WWOX: variants seen among roughly 807,000 people sequenced by gnomAD.
WWOX encodes WW domain-containing oxidoreductase.
A neutral mutation model predicts 46.2 loss-of-function variants in WWOX; 69 were observed. The observed-to-expected ratio is 1.49, with a 90% confidence interval of 1.23 to 1.82. WWOX has a LOEUF of 1.82. WWOX is among the 40% of genes most tolerant of loss of function. The pLI is 0.00. For missense variants in WWOX, 919 were observed against 542.6 expected (o/e 1.69, Z -6.89); for synonymous variants, 359 against 202.6 (o/e 1.77, Z -6.56).
At chr16:78,421,170 A>T (rs960996811) in intron 6 of WWOX, among the ~76,000 whole-genome samples, 1 of 152,210 alleles carries the variant, frequency 6.6e-6, no homozygotes. Context: ...ATAACAAATT[A>T]CCACAGATGG....
chr16:78,920,923 C>T (rs1313040391), intron 8 of WWOX, among the ~76,000 whole-genome samples: 1 of 152,158 alleles, frequency 6.6e-6, no homozygotes, highest in Non-Finnish European at 1.5e-5. Context: ...TTTCAAACTG[C>T]TCTCACTGTC....
chr16:78,861,296 G>A (rs1033785862), intron 8 of WWOX, among the ~76,000 whole-genome samples: 1 of 152,172 alleles, frequency 6.6e-6, no homozygotes, highest in Non-Finnish European at 1.5e-5. Flanking sequence ...CCCAGTCCAT[G>A]CATCCATCCA....
chr16:78,396,755 G>A (rs528360632), intron 6 of WWOX, among the ~76,000 whole-genome samples: 3 of 152,350 alleles, frequency 2.0e-5, no homozygotes, highest in South Asian at 4.1e-4. Flanking sequence ...GACAGTCTCT[G>A]CGGCAACCAT....
chr16:78,720,583 G>C (rs1358284709), intron 8 of WWOX, among the ~76,000 whole-genome samples: 1 of 151,482 alleles, frequency 6.6e-6, no homozygotes, highest in African/African-American at 2.4e-5. Flanking sequence ...CAGATGTTCA[G>C]GATTTCAGAC....
chr16:78,188,622 G>A (rs747162806), intron 5 of WWOX, among the ~76,000 whole-genome samples: 12 of 152,032 alleles, frequency 7.9e-5, no homozygotes, highest in Non-Finnish European at 1.6e-4. Context: ...GAAGTTTCGA[G>A]ACGATAATAT....
At chr16:78,973,695 T>G (rs1214950332) in intron 8 of WWOX, among the ~76,000 whole-genome samples, 1 of 152,230 alleles carries the variant, frequency 6.6e-6, no homozygotes, top group Non-Finnish European at 1.5e-5. Flanking sequence ...AATGAAAGTT[T>G]AAAGCTTGAG....
intron 5 of WWOX, among the ~76,000 whole-genome samples, chr16:78,253,617 G>A (rs1041655660): frequency 6.6e-6 from 1 of 152,150 alleles, no homozygotes. Context: ...TGTTCAAACA[G>A]TATTGGTTTA....
At chr16:78,578,071 T>A (rs1249531083) in intron 8 of WWOX, among the ~76,000 whole-genome samples, 2 of 151,568 alleles carry the variant, frequency 1.3e-5, no homozygotes, top group East Asian at 1.9e-4. Context: ...GGAACATCAC[T>A]AGCCACCTGC....
At chr16:78,670,083 G>A (rs978302369) in intron 8 of WWOX, among the ~76,000 whole-genome samples, 3 of 152,130 alleles carry the variant, frequency 2.0e-5, no homozygotes, top group African/African-American at 4.8e-5. Context: ...TCCTGTTCCC[G>A]GCCGCCCCCG....
At chr16:78,227,936 A>G (rs759304450) in intron 5 of WWOX, among the ~76,000 whole-genome samples, 2 of 152,106 alleles carry the variant, frequency 1.3e-5, no homozygotes, top group Non-Finnish European at 2.9e-5. Context: ...CAGTGCAGCC[A>G]TGGGTAGAAT....
chr16:78,740,769 C>A (rs79971034), intron 8 of WWOX, among the ~76,000 whole-genome samples: 1 of 152,096 alleles, frequency 6.6e-6, no homozygotes, highest in Non-Finnish European at 1.5e-5. Flanking sequence ...TGGTGGATAT[C>A]TTGGTTGCAG....
At chr16:78,175,887 A>G (rs1449631319) in intron 5 of WWOX, among the ~76,000 whole-genome samples, 5 of 152,196 alleles carry the variant, frequency 3.3e-5, no homozygotes, top group Admixed American at 3.3e-4. Flanking sequence ...AGTTCTAAGG[A>G]TAAGACATGT....
At chr16:78,622,624 C>T (rs2046217182) in intron 8 of WWOX, among the ~76,000 whole-genome samples, 2 of 152,110 alleles carry the variant, frequency 1.3e-5, no homozygotes, top group South Asian at 2.1e-4. Context: ...GATACCCCAC[C>T]TCCTGGTGTC....
At chr16:78,472,035 T>G (rs755664081) in intron 8 of WWOX, among the ~76,000 whole-genome samples, 6 of 152,210 alleles carry the variant, frequency 3.9e-5, no homozygotes, top group Non-Finnish European at 4.4e-5. Flanking sequence ...ATTATTCTGG[T>G]TAGGTGTTAT....
chr16:78,610,076 C>A (rs1317647952), intron 8 of WWOX, among the ~76,000 whole-genome samples: 2 of 151,292 alleles, frequency 1.3e-5, no homozygotes, highest in African/African-American at 4.9e-5. Context: ...ACTGCTGCTT[C>A]AGCAAGGTTT....
chr16:78,816,447 A>G (rs1488863717), intron 8 of WWOX, among the ~76,000 whole-genome samples: 1 of 148,882 alleles, frequency 6.7e-6, no homozygotes, highest in Non-Finnish European at 1.5e-5. Context: ...CTTTTAAAAG[A>G]GCTTACTCAA....
chr16:79,069,237 T>C (rs546952525), intron 8 of WWOX, among the ~76,000 whole-genome samples: 1 of 152,304 alleles, frequency 6.6e-6, no homozygotes, highest in East Asian at 1.9e-4. Context: ...TAGCAAGTAG[T>C]TGTGAGTACG....
chr16:78,102,573 A>C (rs566112031), intron 1 of WWOX, among the ~76,000 whole-genome samples: 1 of 152,324 alleles, frequency 6.6e-6, no homozygotes, highest in Admixed American at 6.5e-5. Context: ...TCTCACCTGT[A>C]CATCTGTTGG....
Position 78,771,167 on chromosome 16 carries a change from C to T in WWOX, c.1056+338415C>T, listed in dbSNP as rs143055879. Among the ~76,000 whole-genome samples, 556 of 152,242 alleles carry T rather than the reference C, an allele frequency of 3.7e-3. 6 individuals are homozygous for T. The highest frequency in any genetic ancestry group is 0.017 in the South Asian group (84 of 4,822). Reference sequence around the variant, plus strand: ...AGCACGCATTTTAAGGGATGGAGATCCATTTGGATAGTCTTGAACACAGAA... The same window carrying T: ...AGCACGCATTTTAAGGGATGGAGATTCATTTGGATAGTCTTGAACACAGAA... On this transcript the variant is annotated intron_variant, in intron 8 of 8. Transcript: ENST00000566780.
Sources: allele counts gnomAD v4.1 joint callset (sites outside exome capture counted in the v4.1 genomes callset), GRCh38; gene constraint gnomAD v4.1.1; transcripts MANE v1.5; gene names NCBI Gene and HGNC (gene_info 2026-07-23, HGNC 2026-07-21).